Variants in TUBGCP4 observed in about 807,000 individuals in gnomAD.
The protein encoded by TUBGCP4 is tubulin gamma complex component 4.
In TUBGCP4, 54 loss-of-function variants were observed where a neutral mutation model predicts 91.6. That is an observed-to-expected ratio of 0.59 (90% CI 0.47 to 0.74). The LOEUF (loss-of-function observed/expected upper bound fraction) is 0.74. TUBGCP4 is among the 30% of genes least tolerant of loss of function. TUBGCP4 has a pLI of 0.00. For missense variants in TUBGCP4, 593 were observed against 800.9 expected (o/e 0.74, Z 3.13); for synonymous variants, 297 against 302.8 (o/e 0.98, Z 0.20).
chr15:43,406,598 C>CG lies in TUBGCP4; in HGVS notation c.*1384_*1385insG, dbSNP rs1376552696. ...GAAATATTTACTCTTTGACCCTTTA[C>CG]AGAAAAAAACCTTGTTGACCCCTGC... On this transcript the variant is annotated 3_prime_UTR_variant, in exon 18 of 18. Transcript: ENST00000564079. 2.2e-6 allele frequency: 1 copy of CG among 455,948 alleles called. No individual in the cohort carries two copies. The highest frequency in any genetic ancestry group is 1.5e-5 in the South Asian group (1 of 64,552). The allele number at this position is 455,948 out of a possible 1,614,324, so 28.2% of individuals were successfully genotyped here. A position where few individuals can be genotyped will look rare whatever the true frequency, so the allele number is the denominator to read the frequency against.
At chr15:43,379,983 C>A in intron 5 of TUBGCP4, 101 bp from the exon 6 acceptor site, 1 of 1,099,282 alleles carries the variant, frequency 9.1e-7, no homozygotes, top group Non-Finnish European at 1.4e-6. Context: ...TATCCCCAGT[C>A]TCTCCTAGAT....
chr15:43,381,871 T>C (rs912914164), intron 6 of TUBGCP4, among the ~76,000 whole-genome samples: 5 of 152,220 alleles, frequency 3.3e-5, no homozygotes, highest in African/African-American at 4.8e-5. Context: ...GCAGAGTCAT[T>C]TGAAAGTAGT....
chr15:43,376,965 A>C, intron 3 of TUBGCP4, 49 bp from the exon 4 acceptor site: 1 of 1,452,716 alleles, frequency 6.9e-7, no homozygotes, highest in Non-Finnish European at 9.7e-7. Flanking sequence ...GATCAAATAG[A>C]TTTGAGATAT....
At chr15:43,390,872 C>T (rs1371326861) in intron 9 of TUBGCP4, among the ~76,000 whole-genome samples, 1 of 152,094 alleles carries the variant, frequency 6.6e-6, no homozygotes, top group Non-Finnish European at 1.5e-5. Context: ...AGCTGGAGAG[C>T]AGTGGTGCAA....
intron 6 of TUBGCP4, among the ~76,000 whole-genome samples, chr15:43,382,069 T>C (rs544719793): frequency 6.6e-6 from 1 of 151,906 alleles, no homozygotes; most frequent in East Asian, 1.9e-4. Context: ...ACAAAAAAAG[T>C]AGGCATGCTG....
intron 1 of TUBGCP4, among the ~76,000 whole-genome samples, chr15:43,373,179 TA>T (rs1251502723): frequency 2.0e-5 from 3 of 152,240 alleles, no homozygotes; most frequent in African/African-American, 7.2e-5. Flanking sequence ...TAAAATCAAA[TA>T]TTTTTATAAA....
Position 43,400,142 on chromosome 15 carries a change from C to T in TUBGCP4, c.1517C>T (p.Ser506Leu), listed in dbSNP as rs745825926. 5 of 1,614,162 alleles carry T rather than the reference C, an allele frequency of 3.1e-6. No individual in the cohort carries two copies. The highest frequency in any genetic ancestry group is 1.7e-6 in the Non-Finnish European group (2 of 1,180,024). ...CAAATGCAGCGCAAGCACCTCAAGT[C>T]GAACCAGACTGATGCAATCAAGTGG... Reference protein sequence around the residue: ...ALQMQRKHLKSNQTDAIKWRL... With the variant: ...ALQMQRKHLKLNQTDAIKWRL... Residue 506 changes from serine to leucine, a missense_variant, in exon 14 of 18, where the codon TCG (serine) becomes TTG (leucine). Ser to Leu is a moderately radical substitution (Grantham distance 145). Coordinates refer to ENST00000564079, the MANE Select transcript of TUBGCP4 (RefSeq NM_014444.5).
chr15:43,403,740 A>G lies in TUBGCP4; in HGVS notation c.1789A>G (p.Ser597Gly), dbSNP rs778270714. The G allele has an allele frequency of 1.9e-6, 3 of 1,613,738 alleles. No homozygotes were observed. The change falls in exon 16 of 18, where the codon AGT (serine) becomes GGT (glycine). Residue 597 changes from serine (S) to glycine (G), a missense_variant. By Grantham distance (56) the Ser-to-Gly change is moderately conservative. Coordinates refer to ENST00000564079, the MANE Select transcript of TUBGCP4 (RefSeq NM_014444.5). ...CTGTCACAGTTTTTGTTCGCTGGTC[A>G]GTCAGAACCTAGGCCCACTGGATGA... ...DLCHSFCSLVSQNLGPLDERG... is the reference protein window; with the variant it reads ...DLCHSFCSLVGQNLGPLDERG...
rs993735950 is a variant in TUBGCP4, at chr15:43,382,734, A to AT, written c.522-565dup. Among the ~76,000 whole-genome samples the AT allele has an allele frequency of 3.9e-5, 6 of 152,172 alleles. No individual in the cohort carries two copies. In the East Asian group the frequency reaches 1.2e-3, roughly 29 times the overall value. Reference sequence around the variant, plus strand: ...ACGTCCTGCTCCATTATAGAGGTACATTTTCCCCTTTTTAATTAATATGCT... The same window carrying AT: ...ACGTCCTGCTCCATTATAGAGGTACATTTTTCCCCTTTTTAATTAATATGCT... On this transcript the variant is annotated intron_variant, in intron 6 of 17. Transcript: ENST00000564079.
At chr15:43,384,973 A>G (rs542188416) in intron 7 of TUBGCP4, among the ~76,000 whole-genome samples, 2 of 152,350 alleles carry the variant, frequency 1.3e-5, no homozygotes, top group East Asian at 3.9e-4. Context: ...CAGTAGGCTT[A>G]GTGAGTGCTT....
rs78319984 is a variant in TUBGCP4, at chr15:43,394,858, C to T, written c.1015-249C>T. The T allele has an allele frequency of 3.9e-3, 1,912 of 484,774 alleles. 43 individuals carry two copies. Among genetic ancestry groups the T allele is most frequent in the African/African-American group, 0.035 (1,756 of 50,696 alleles). 30.0% of individuals were successfully genotyped at this position (484,774 alleles called of 1,614,324 possible). A position where few individuals can be genotyped will look rare whatever the true frequency, so the allele number is the denominator to read the frequency against. ...CTCCCTAGAAGCCAAGCTGAAGCCA[C>T]CGTGCTTCCTGTGCAGCCTGCAGAA... On this transcript the variant is annotated intron_variant, in intron 9 of 17. Coordinates refer to ENST00000564079, the MANE Select transcript of TUBGCP4 (RefSeq NM_014444.5).
Position 43,400,141 on chromosome 15 carries a change from T to G in TUBGCP4, c.1516T>G (p.Ser506Ala). 1 of 1,614,200 alleles carries G rather than the reference T, an allele frequency of 6.2e-7. No individual in the cohort carries two copies. Among genetic ancestry groups the G allele is most frequent in the Non-Finnish European group, 8.5e-7 (1 of 1,180,044 alleles). ...ACAAATGCAGCGCAAGCACCTCAAG[T>G]CGAACCAGACTGATGCAATCAAGTG... is the stretch of plus-strand genomic sequence containing the variant. Reference protein sequence around the residue: ...ALQMQRKHLKSNQTDAIKWRL... With the variant: ...ALQMQRKHLKANQTDAIKWRL... The change falls in exon 14 of 18, where the codon TCG becomes GCG. Residue 506 changes from serine to alanine, a missense_variant. Coordinates refer to ENST00000564079, the MANE Select transcript of TUBGCP4 (RefSeq NM_014444.5).
At chr15:43,401,981 T>C (rs2044691308) in intron 15 of TUBGCP4, 131 bp downstream of exon 15, 2 of 1,260,294 alleles carry the variant, frequency 1.6e-6, no homozygotes, top group African/African-American at 1.5e-5. Context: ...TTTTTAAGAA[T>C]GTGTAAAGCG....
chr15:43,402,614 G>A (rs1264555529), intron 15 of TUBGCP4: 2 of 152,068 alleles, frequency 1.3e-5, no homozygotes, highest in East Asian at 1.9e-4. Flanking sequence ...TGTCTCCTTC[G>A]TGGCAGTTAT....
At chr15:43,384,461 G>A (rs1010619287) in intron 7 of TUBGCP4, among the ~76,000 whole-genome samples, 1 of 152,124 alleles carries the variant, frequency 6.6e-6, no homozygotes, top group Non-Finnish European at 1.5e-5. Context: ...AGTTTGGGAG[G>A]AGCCATCAAG....
intron 6 of TUBGCP4, among the ~76,000 whole-genome samples, chr15:43,382,108 A>G (rs2044293388): frequency 6.6e-6 from 1 of 151,954 alleles, no homozygotes; most frequent in African/African-American, 2.4e-5. Flanking sequence ...GCTACTTAGG[A>G]GGCTGAGGTG....
In TUBGCP4 at chr15:43,376,165, G is replaced by A. The variant is rs759324724; in HGVS notation, c.146G>A (p.Gly49Asp). ...TSVLNRLCRL[G>D]TDYIRFTEFI... ...GTCCTGAATCGACTCTGCCGGCTCG[G>A]CACAGACTATATTCGCTTCACTGAG... The change falls in exon 2 of 18, where the codon GGC becomes GAC. Residue 49 changes from glycine (G) to aspartate (D), a missense_variant. Coordinates refer to ENST00000564079, the MANE Select transcript of TUBGCP4 (RefSeq NM_014444.5). 1 of 1,614,078 alleles carries A rather than the reference G, an allele frequency of 6.2e-7. No homozygotes were observed. The highest frequency in any genetic ancestry group is 1.1e-5 in the South Asian group (1 of 91,072).
chr15:43,376,675 A>G, intron 3 of TUBGCP4, 50 bp downstream of exon 3: 1 of 1,610,532 alleles, frequency 6.2e-7, no homozygotes, highest in Non-Finnish European at 8.5e-7. Flanking sequence ...AGATTAGGGC[A>G]TGTTCTTGAA....
intron 11 of TUBGCP4, 76 bp downstream of exon 11, chr15:43,395,764 A>G: frequency 8.2e-7 from 1 of 1,215,418 alleles, no homozygotes; most frequent in Non-Finnish European, 1.2e-6. Context: ...TGACCCTTTT[A>G]AGGCCTGCTC....
Sources: allele counts gnomAD v4.1 joint callset (sites outside exome capture counted in the v4.1 genomes callset), GRCh38; gene constraint gnomAD v4.1.1; transcripts MANE v1.5; gene names NCBI Gene and HGNC (gene_info 2026-07-23, HGNC 2026-07-21).